The following PDZD2 variants were observed in gnomAD, a reference collection of about 807,000 sequenced individuals.
PDZD2 encodes PDZ domain-containing protein 2.
A neutral mutation model predicts 220.7 loss-of-function variants in PDZD2; 90 were observed. The ratio of observed to expected loss-of-function variants is 0.41; its 90% confidence interval spans 0.34 to 0.49. PDZD2 has a LOEUF of 0.49. PDZD2 is among the 20% of genes least tolerant of loss of function. The pLI is 0.28. For missense variants in PDZD2, 3,174 were observed against 3,608.5 expected (o/e 0.88, Z 3.08); for synonymous variants, 1,375 against 1,450.5 (o/e 0.95, Z 1.18).
intron 1 of PDZD2, among the ~76,000 whole-genome samples, chr5:31,685,818 GC>G (rs1235535234): frequency 2.0e-5 from 3 of 151,514 alleles, no homozygotes; most frequent in Non-Finnish European, 4.4e-5. Context: ...ACCGCACCCA[GC>G]CCATATTATT....
At chr5:32,058,730 T>C (rs1481145774) in intron 12 of PDZD2, among the ~76,000 whole-genome samples, 1 of 150,998 alleles carries the variant, frequency 6.6e-6, no homozygotes, top group Non-Finnish European at 1.5e-5. Context: ...TAATATAAAA[T>C]TTTAAAGAAC....
intron 2 of PDZD2, among the ~76,000 whole-genome samples, chr5:31,966,722 G>A (rs1445291932): frequency 1.3e-5 from 2 of 152,178 alleles, no homozygotes; most frequent in Admixed American, 6.5e-5. Flanking sequence ...CGAAAGAATT[G>A]TGAAGACAGA....
At chr5:31,777,155 T>C (rs7729248) in intron 1 of PDZD2, among the ~76,000 whole-genome samples, 76,045 of 151,452 alleles carry the variant, frequency 0.5, 19,900 homozygotes, top group African/African-American at 0.55. Flanking sequence ...CGGGGCAGCG[T>C]GAGTTCCGGG....
At chr5:32,014,711 T>TTTC (rs1753616120) in intron 6 of PDZD2, among the ~76,000 whole-genome samples, 1 of 8,292 alleles carries the variant, frequency 1.2e-4, no homozygotes, top group African/African-American at 1.5e-4. Context: ...AATTTCTTTT[T>TTTC]TTTTTTTTTT....
intron 2 of PDZD2, among the ~76,000 whole-genome samples, chr5:31,965,100 T>C (rs1281073913): frequency 1.3e-5 from 2 of 152,182 alleles, no homozygotes; most frequent in Admixed American, 6.5e-5. Context: ...GTTCTTCCTC[T>C]CCAGTCAAAT....
intron 22 of PDZD2, among the ~76,000 whole-genome samples, 163 bp downstream of exon 22, chr5:32,097,543 T>C (rs560184983): frequency 6.6e-6 from 1 of 152,356 alleles, no homozygotes; most frequent in South Asian, 2.1e-4. Context: ...CGTAAGGTTT[T>C]CGTTGACAAA....
chr5:31,702,529 A>G (rs1448062555), intron 1 of PDZD2, among the ~76,000 whole-genome samples: 1 of 152,312 alleles, frequency 6.6e-6, no homozygotes, highest in East Asian at 1.9e-4. Context: ...CTCAGGTTCC[A>G]CTTTGCCCAC....
intron 2 of PDZD2, among the ~76,000 whole-genome samples, chr5:31,938,449 G>A (rs10053131): frequency 0.77 from 117,189 of 152,030 alleles, 45,288 homozygotes; most frequent in Middle Eastern, 0.86. Context: ...CTATGTGCCT[G>A]TGGTTGGATT....
At chr5:31,732,960 C>T (rs1749623500) in intron 1 of PDZD2, among the ~76,000 whole-genome samples, 1 of 152,204 alleles carries the variant, frequency 6.6e-6, no homozygotes. Context: ...AACTTCTGAC[C>T]TCAGGTGATG....
intron 21 of PDZD2, 147 bp from the exon 22 acceptor site, chr5:32,097,132 C>T (rs1743794346): frequency 1.6e-6 from 1 of 623,558 alleles, no homozygotes; most frequent in African/African-American, 1.8e-5. Flanking sequence ...GGCTGAGAGC[C>T]AAAGAACCTT....
chr5:31,774,824 C>T (rs1048106617), intron 1 of PDZD2, among the ~76,000 whole-genome samples: 3 of 152,088 alleles, frequency 2.0e-5, no homozygotes, highest in African/African-American at 7.2e-5. Context: ...ACTTTTTACA[C>T]ATACACCAAT....
intron 1 of PDZD2, among the ~76,000 whole-genome samples, chr5:31,733,766 T>C (rs1180148774): frequency 1.3e-5 from 2 of 152,220 alleles, no homozygotes; most frequent in East Asian, 3.8e-4. Context: ...GCCGTTCCTG[T>C]AATGCAGGAA....
In PDZD2 at chr5:32,058,131, C is replaced by T. The variant is rs372674599; in HGVS notation, c.2200+28C>T. On this transcript the variant is annotated intron_variant, in intron 12 of 24. Coordinates refer to ENST00000438447, the MANE Select transcript of PDZD2 (RefSeq NM_178140.4). The stretch of plus-strand genomic sequence containing the variant: ...GATAGCAGCTATTCCTTACCTTTGT[C>T]TCATTTCTTGAATAACATTTTGGAA... The T allele has an allele frequency of 1.1e-5, 12 of 1,127,484 alleles. No individual in the cohort carries two copies. In the African/African-American group the frequency reaches 1.8e-4, roughly 17 times the overall value. The allele number at this position is 1,127,484 out of a possible 1,614,324, so 69.8% of individuals were successfully genotyped here.
chr5:31,952,262 A>T (rs1004538480), intron 2 of PDZD2, among the ~76,000 whole-genome samples: 1 of 152,236 alleles, frequency 6.6e-6, no homozygotes, highest in East Asian at 1.9e-4. Flanking sequence ...TGCAGGTTAG[A>T]GTGGAGAAAG....
chr5:31,988,129 C>G (rs947526724), intron 3 of PDZD2, among the ~76,000 whole-genome samples: 1 of 152,178 alleles, frequency 6.6e-6, no homozygotes, highest in East Asian at 1.9e-4. Flanking sequence ...AACAGCACAT[C>G]TCATTACTCA....
chr5:31,895,203 T>C (rs1741438146), intron 2 of PDZD2, among the ~76,000 whole-genome samples: 1 of 152,296 alleles, frequency 6.6e-6, no homozygotes, highest in African/African-American at 2.4e-5. Flanking sequence ...TTCTTTCTTT[T>C]GCCAAGTGCA....
At chr5:31,826,438 C>G (rs1293530702) in intron 2 of PDZD2, among the ~76,000 whole-genome samples, 1 of 151,934 alleles carries the variant, frequency 6.6e-6, no homozygotes, top group African/African-American at 2.4e-5. Flanking sequence ...TTTGGGAAGC[C>G]GAGGCGGGTG....
At chr5:31,712,339 A>G (rs770272762) in intron 1 of PDZD2, among the ~76,000 whole-genome samples, 1 of 152,158 alleles carries the variant, frequency 6.6e-6, no homozygotes, top group Non-Finnish European at 1.5e-5. Context: ...GATTCAGCTC[A>G]TGTCTGGGCT....
chr5:31,905,893 A>G (rs868116746), intron 2 of PDZD2, among the ~76,000 whole-genome samples: 2 of 152,202 alleles, frequency 1.3e-5, no homozygotes, highest in South Asian at 2.1e-4. Context: ...GTGCACTTAC[A>G]CATCACTATT....
Sources: gnomAD v4.1 joint callset for allele counts (sites outside exome capture counted in the v4.1 genomes callset) on GRCh38, gnomAD v4.1.1 for gene constraint, MANE v1.5 for transcripts, NCBI Gene and HGNC (gene_info 2026-07-23, HGNC 2026-07-21) for gene names.